Variants in PCSK6 observed in about 807,000 individuals in gnomAD.
PCSK6 encodes proprotein convertase subtilisin/kexin type 6.
In PCSK6, 85 loss-of-function variants were observed where a neutral mutation model predicts 123.3. That is an observed-to-expected ratio of 0.69 (90% confidence interval 0.58 to 0.83). The LOEUF (loss-of-function observed/expected upper bound fraction) is 0.83. PCSK6 is among the 40% of genes least tolerant of loss of function. The pLI, the probability that PCSK6 is intolerant of heterozygous loss-of-function variation, is 0.00. For synonymous variants in PCSK6, 508 were observed against 516.0 expected (o/e 0.98, Z 0.21); for missense variants, 1,191 against 1,282.3 (o/e 0.93, Z 1.09).
chr15:101,422,943 C>T (rs1351674468), intron 6 of PCSK6, among the ~76,000 whole-genome samples: 3 of 152,058 alleles, frequency 2.0e-5, no homozygotes, highest in African/African-American at 7.2e-5. Context: ...TAATGATATT[C>T]AAAGACAACA....
chr15:101,424,380 C>CAA (rs113465560), intron 6 of PCSK6, among the ~76,000 whole-genome samples: 3 of 150,960 alleles, frequency 2.0e-5, no homozygotes, highest in Non-Finnish European at 3.0e-5. Flanking sequence ...TGTTGAAAGA[C>CAA]AAAAAAAAAG....
At chr15:101,412,779 G>A (rs917168049) in intron 6 of PCSK6, among the ~76,000 whole-genome samples, 26 of 150,694 alleles carry the variant, frequency 1.7e-4, no homozygotes, top group Non-Finnish European at 3.0e-4. Flanking sequence ...TTAGGGACTT[G>A]TGAGACTATA....
chr15:101,406,221 CA>C (rs1162216872), intron 6 of PCSK6, among the ~76,000 whole-genome samples: 33 of 5,218 alleles, frequency 6.3e-3, no homozygotes, highest in Admixed American at 0.017. Flanking sequence ...CACACACCCA[CA>C]CACACACACG....
chr15:101,348,890 C>G (rs181663803), intron 13 of PCSK6, among the ~76,000 whole-genome samples: 8 of 152,326 alleles, frequency 5.3e-5, no homozygotes, highest in Non-Finnish European at 1.0e-4. Flanking sequence ...TCTGCGGCAG[C>G]CTGGTCTCCT....
At chr15:101,355,979 A>G (rs1017878218) in intron 13 of PCSK6, among the ~76,000 whole-genome samples, 10 of 152,238 alleles carry the variant, frequency 6.6e-5, no homozygotes, top group African/African-American at 2.4e-4. Flanking sequence ...GACCCAGCGC[A>G]GAGGCCAGAG....
At chr15:101,465,890 AGAGAAG>A (rs1233079222) in intron 1 of PCSK6, among the ~76,000 whole-genome samples, 4 of 152,206 alleles carry the variant, frequency 2.6e-5, no homozygotes, top group Non-Finnish European at 4.4e-5. Context: ...AATGAAAACC[AGAGAAG>A]GCAGAAAGGA....
chr15:101,426,941 A>C (rs1014658404), intron 6 of PCSK6, among the ~76,000 whole-genome samples: 11 of 152,200 alleles, frequency 7.2e-5, no homozygotes, highest in African/African-American at 2.7e-4. Context: ...CTTCGGACTG[A>C]GAAGCAGACA....
chr15:101,371,665 G>T (rs376422767), intron 11 of PCSK6, among the ~76,000 whole-genome samples: 2 of 152,204 alleles, frequency 1.3e-5, no homozygotes, highest in East Asian at 3.9e-4. Flanking sequence ...GCTAATGCGG[G>T]GAGGAGCTGG....
chr15:101,446,437 G>C (rs2056891776), intron 1 of PCSK6, among the ~76,000 whole-genome samples: 1 of 152,192 alleles, frequency 6.6e-6, no homozygotes, highest in Admixed American at 6.5e-5. Flanking sequence ...TTGGCTGCTG[G>C]GAATAATGCT....
At chr15:101,464,256 A>G (rs111740900) in intron 1 of PCSK6, among the ~76,000 whole-genome samples, 8 of 152,282 alleles carry the variant, frequency 5.3e-5, no homozygotes, top group African/African-American at 1.9e-4. Context: ...CCCAAGGCAC[A>G]GGAACTGCGT....
chr15:101,366,822 T>C (rs1007004755), intron 12 of PCSK6, among the ~76,000 whole-genome samples: 16 of 152,214 alleles, frequency 1.1e-4, no homozygotes, highest in African/African-American at 3.9e-4. Context: ...TTGAAAGTGC[T>C]TGTTTGTGCA....
intron 8 of PCSK6, 98 bp from the exon 9 acceptor site, chr15:101,389,662 C>T (rs188751503): frequency 3.4e-5 from 31 of 912,884 alleles, no homozygotes; most frequent in African/African-American, 5.0e-5. Flanking sequence ...AACTGGCAAG[C>T]GTGACCCTGG....
intron 1 of PCSK6, among the ~76,000 whole-genome samples, chr15:101,466,826 G>C (rs1396600063): frequency 5.3e-5 from 8 of 152,278 alleles, no homozygotes; most frequent in East Asian, 3.9e-4. Context: ...GAGTAGATGA[G>C]TGGCTGCTTA....
chr15:101,396,098 C>G (rs532710133), intron 7 of PCSK6, among the ~76,000 whole-genome samples: 1 of 152,082 alleles, frequency 6.6e-6, no homozygotes, highest in Non-Finnish European at 1.5e-5. Flanking sequence ...AGTGACAGAT[C>G]GAGACAGTTG....
chr15:101,342,436 T>C (rs538780920), intron 13 of PCSK6, among the ~76,000 whole-genome samples: 78 of 152,308 alleles, frequency 5.1e-4, no homozygotes, highest in Non-Finnish European at 2.6e-4. Context: ...GACAAATATT[T>C]GATTAATCTA....
chr15:101,445,487 C>T (rs1309352132), intron 1 of PCSK6, among the ~76,000 whole-genome samples: 1 of 152,128 alleles, frequency 6.6e-6, no homozygotes, highest in Non-Finnish European at 1.5e-5. Flanking sequence ...CATCATAAAC[C>T]TCATTATTTC....
intron 1 of PCSK6, among the ~76,000 whole-genome samples, chr15:101,463,553 G>A (rs990921722): frequency 6.6e-6 from 1 of 152,170 alleles, no homozygotes; most frequent in Non-Finnish European, 1.5e-5. Context: ...GACCTCCACT[G>A]ATAAAGTAAT....
intron 9 of PCSK6, among the ~76,000 whole-genome samples, chr15:101,386,363 A>G (rs2042064549): frequency 6.6e-6 from 1 of 152,158 alleles, no homozygotes; most frequent in Admixed American, 6.5e-5. Flanking sequence ...GCGAAGACGT[A>G]CAGAACACAA....
intron 13 of PCSK6, among the ~76,000 whole-genome samples, chr15:101,338,120 G>A (rs2040524325): frequency 6.6e-6 from 1 of 152,152 alleles, no homozygotes; most frequent in Admixed American, 6.5e-5. Context: ...CATGAGGCTT[G>A]ACTGCAAAAT....
Sources: gnomAD v4.1 joint callset for allele counts (sites outside exome capture counted in the v4.1 genomes callset) on GRCh38, gnomAD v4.1.1 for gene constraint, MANE v1.5 for transcripts, NCBI Gene and HGNC (gene_info 2026-07-23, HGNC 2026-07-21) for gene names.